The following DACH1 variants were observed in gnomAD, a reference collection of about 807,000 sequenced individuals.
The protein encoded by DACH1 is dachshund family transcription factor 1, also known as dachshund homolog 1.
Under a neutral mutation model 54.2 loss-of-function variants are expected in DACH1, and 12 were observed. That is an observed-to-expected ratio of 0.22 (90% CI 0.14 to 0.36). The LOEUF (loss-of-function observed/expected upper bound fraction) is 0.36. DACH1 is among the 10% of genes least tolerant of loss of function. DACH1 has a pLI of 1.00. For missense variants in DACH1, 805 were observed against 929.8 expected, an observed-to-expected ratio of 0.87 and a Z score of 1.75; for synonymous variants, 386 against 366.2, an observed-to-expected ratio of 1.05 and a Z score of -0.62.
chr13:71,515,495 G>A (rs921267988), intron 6 of DACH1, among the ~76,000 whole-genome samples: 6 of 151,880 alleles, frequency 4.0e-5, no homozygotes, highest in Non-Finnish European at 8.8e-5. Context: ...CTCTGAACCT[G>A]ACTTCATAAA....
chr13:71,526,603 T>C (rs1314251348), intron 6 of DACH1, among the ~76,000 whole-genome samples: 4 of 152,002 alleles, frequency 2.6e-5, no homozygotes, highest in African/African-American at 9.7e-5. Flanking sequence ...GCATCTGGTA[T>C]ATAATAAGCA....
At chr13:71,587,239 G>A (rs189993717) in intron 3 of DACH1, among the ~76,000 whole-genome samples, 2 of 151,784 alleles carry the variant, frequency 1.3e-5, no homozygotes, top group Non-Finnish European at 2.9e-5. Flanking sequence ...GATTAATTTG[G>A]TTTTTCAAAA....
chr13:71,544,224 C>A (rs906178008), intron 6 of DACH1, among the ~76,000 whole-genome samples: 1 of 152,060 alleles, frequency 6.6e-6, no homozygotes, highest in Non-Finnish European at 1.5e-5. Context: ...AATCTTCCTG[C>A]GTATTCCTTA....
chr13:71,633,971 CT>C (rs5804582), intron 2 of DACH1, among the ~76,000 whole-genome samples: 21,064 of 142,204 alleles, frequency 0.15, 1,861 homozygotes, highest in East Asian at 0.45. Context: ...TTTTTTCTTC[CT>C]TTTTTTTTTT....
intron 1 of DACH1, among the ~76,000 whole-genome samples, chr13:71,766,437 A>C (rs1335540914): frequency 6.6e-6 from 1 of 152,092 alleles, no homozygotes; most frequent in East Asian, 1.9e-4. Flanking sequence ...CAGGTTTGAG[A>C]CCTACTGCCT....
At chr13:71,721,210 A>G (rs199645583) in intron 1 of DACH1, among the ~76,000 whole-genome samples, 4 of 152,058 alleles carry the variant, frequency 2.6e-5, no homozygotes, top group Admixed American at 6.6e-5. Context: ...ACCACAGTAA[A>G]TTTTTTCATT....
intron 2 of DACH1, among the ~76,000 whole-genome samples, chr13:71,648,590 C>T (rs1878462415): frequency 6.6e-6 from 1 of 152,000 alleles, no homozygotes; most frequent in African/African-American, 2.4e-5. Context: ...TGGTATAGGA[C>T]AAAGAATATG....
intron 2 of DACH1, among the ~76,000 whole-genome samples, chr13:71,667,581 T>C (rs1879924383): frequency 1.3e-5 from 2 of 152,328 alleles, no homozygotes; most frequent in Admixed American, 1.3e-4. Flanking sequence ...TAGTATTTTA[T>C]TATAGATGAT....
rs898804914 is a variant in DACH1, at chr13:71,440,273, G to C, written c.*382C>G. On this transcript the variant is annotated 3_prime_UTR_variant, in exon 11 of 11. Coordinates refer to ENST00000613252, the MANE Select transcript of DACH1 (RefSeq NM_080759.6). ...AGTCTGGGTAACCACTGCTACAAGA[G>C]TCTCTTGATGTGCTCAGATACAGAA... is the stretch of plus-strand genomic sequence containing the variant. 6.1e-6 allele frequency: 1 copy of C among 163,230 alleles called. No homozygotes were observed. The highest frequency in any genetic ancestry group is 2.4e-5 in the African/African-American group (1 of 41,552). The allele number at this position is 163,230 out of a possible 1,614,324, so 10.1% of individuals were successfully genotyped here.
intron 1 of DACH1, among the ~76,000 whole-genome samples, chr13:71,730,029 A>G (rs1883665026): frequency 6.6e-6 from 1 of 152,036 alleles, no homozygotes; most frequent in South Asian, 2.1e-4. Context: ...GATTAAAGAC[A>G]TTTTTTCATG....
At chr13:71,689,078 A>G (rs1269436770) in intron 1 of DACH1, among the ~76,000 whole-genome samples, 1 of 152,192 alleles carries the variant, frequency 6.6e-6, no homozygotes, top group East Asian at 1.9e-4. Flanking sequence ...TTGTTTGTTT[A>G]AAGACTTGTG....
At chr13:71,718,497 G>A (rs769565579) in intron 1 of DACH1, among the ~76,000 whole-genome samples, 25 of 149,972 alleles carry the variant, frequency 1.7e-4, no homozygotes, top group Non-Finnish European at 3.1e-4. Flanking sequence ...GATTACTTGT[G>A]TCAGGGAAAT....
At chr13:71,557,656 C>T (rs995579658) in intron 5 of DACH1, among the ~76,000 whole-genome samples, 1 of 151,860 alleles carries the variant, frequency 6.6e-6, no homozygotes, top group Non-Finnish European at 1.5e-5. Flanking sequence ...GTAGTCACCA[C>T]CTTAAGAAAG....
At chr13:71,445,219 G>A (rs1312895336) in intron 10 of DACH1, among the ~76,000 whole-genome samples, 6 of 152,064 alleles carry the variant, frequency 3.9e-5, no homozygotes, top group Non-Finnish European at 7.4e-5. Flanking sequence ...ATATGCCTAT[G>A]TAACAAAAAT....
At chr13:71,590,199 G>A (rs1341041601) in intron 3 of DACH1, among the ~76,000 whole-genome samples, 2 of 151,994 alleles carry the variant, frequency 1.3e-5, no homozygotes, top group Non-Finnish European at 2.9e-5. Flanking sequence ...AAGAAAACCT[G>A]TTATATAAGC....
chr13:71,709,573 T>C (rs1278887066), intron 1 of DACH1, among the ~76,000 whole-genome samples: 1 of 152,166 alleles, frequency 6.6e-6, no homozygotes, highest in Admixed American at 6.5e-5. Context: ...TGTGTTCAAG[T>C]AATCCTTATT....
At chr13:71,688,547 G>A (rs181193585) in intron 1 of DACH1, among the ~76,000 whole-genome samples, 4 of 152,248 alleles carry the variant, frequency 2.6e-5, no homozygotes, top group Admixed American at 1.3e-4. Context: ...GACTTTTAGT[G>A]TTCTCTGTGT....
rs372206258 is a variant in DACH1, at chr13:71,557,161, A to G, written c.1436-3T>C. On this transcript the variant is annotated splice_region_variant and splice_polypyrimidine_tract_variant and intron_variant, in intron 5 of 10. Coordinates refer to ENST00000613252, the MANE Select transcript of DACH1 (RefSeq NM_080759.6). ...GGACAACCCATTCTGATGGACCGCT[A>G]TTATGGCCCAAAAGAAAACAAACAA... 1.2e-5 allele frequency: 19 copies of G among 1,596,538 alleles called. No homozygotes were observed. Among genetic ancestry groups the G allele is most frequent in the Middle Eastern group, 1.7e-4 (1 of 5,964 alleles).
intron 1 of DACH1, among the ~76,000 whole-genome samples, chr13:71,682,521 G>A (rs951726232): frequency 2.0e-5 from 3 of 152,152 alleles, no homozygotes; most frequent in African/African-American, 7.2e-5. Flanking sequence ...TATCTAATGT[G>A]TGAAAAGGTC....
Sources: gnomAD v4.1 joint callset for allele counts (sites outside exome capture counted in the v4.1 genomes callset) on GRCh38, gnomAD v4.1.1 for gene constraint, MANE v1.5 for transcripts, NCBI Gene and HGNC (gene_info 2026-07-23, HGNC 2026-07-21) for gene names.